The following EIF4G3 variants were observed in gnomAD, a reference collection of about 807,000 sequenced individuals.
The protein encoded by EIF4G3 is eIF-4-gamma 3.
In EIF4G3, 34 loss-of-function variants were observed where a neutral mutation model predicts 186.4. The observed-to-expected ratio is 0.18, with a 90% confidence interval of 0.14 to 0.24. EIF4G3 has a LOEUF of 0.24. Among genes scored for constraint, EIF4G3 ranks in the 10% least tolerant of loss-of-function variants. EIF4G3 has a pLI of 1.00. For synonymous variants in EIF4G3, 673 were observed against 679.5 expected (o/e 0.99, Z 0.15); for missense variants, 1,536 against 1,948.5 (o/e 0.79, Z 3.99).
chr1:21,104,089 T>C (rs1335743025), intron 2 of EIF4G3, among the ~76,000 whole-genome samples: 1 of 152,124 alleles, frequency 6.6e-6, no homozygotes, highest in Non-Finnish European at 1.5e-5. Context: ...ATTAACTAAA[T>C]CCCTACATGA....
At chr1:20,844,534 A>G (rs1248409713) in intron 29 of EIF4G3, among the ~76,000 whole-genome samples, 2 of 151,638 alleles carry the variant, frequency 1.3e-5, no homozygotes, top group Admixed American at 1.3e-4. Context: ...CTCCTTACAG[A>G]TGCTGCACAT....
rs367748129 is a variant in EIF4G3, at chr1:21,061,387, G to C, written c.-195-10393C>G. Among the ~76,000 whole-genome samples the C allele has an allele frequency of 1.1e-4, 16 of 152,218 alleles. No homozygotes were observed. The East Asian group carries it at 2.9e-3, about 28-fold the overall frequency. On this transcript the variant is annotated intron_variant, in intron 3 of 36. Transcript: ENST00000602326. ...CTGTTATTACTGTGAGACAGGATTA[G>C]AGGCAGAATAGACAAAGGGAAAGGG...
At position 20,808,897 on chromosome 1, in the gene EIF4G3, C is replaced by T. The variant is rs184184112; in HGVS notation, c.4745-1397G>A. On this transcript the variant is annotated intron_variant, in intron 36 of 36. Coordinates refer to ENST00000602326, the MANE Select transcript of EIF4G3 (RefSeq NM_001391906.1). ...CTTATAGTTATTATAGTCAGCTCTCCGATCATTTATATTAATGGAGGGAGG... is the reference window on the plus strand; with the variant it reads ...CTTATAGTTATTATAGTCAGCTCTCTGATCATTTATATTAATGGAGGGAGG... 5.9e-5 allele frequency among the ~76,000 whole-genome samples: 9 copies of T among 151,968 alleles called. No individual in the cohort carries two copies. In the South Asian group the frequency reaches 1.2e-3, roughly 21 times the overall value.
chr1:21,101,571 A>AAAAAAAAAAAAAAAAAAAC (rs1399577854), intron 2 of EIF4G3, among the ~76,000 whole-genome samples: 1 of 143,144 alleles, frequency 7.0e-6, no homozygotes, highest in Non-Finnish European at 1.5e-5. Flanking sequence ...GGAAAAAAAA[A>AAAAAAAAAAAAAAAAAAAC]AAAACAACAA....
chr1:20,888,150 T>C (rs113332978), intron 18 of EIF4G3, among the ~76,000 whole-genome samples: 1 of 152,138 alleles, frequency 6.6e-6, no homozygotes, highest in African/African-American at 2.4e-5. Context: ...GCCTTGAGAT[T>C]TGAATCTGGA....
intron 12 of EIF4G3, among the ~76,000 whole-genome samples, chr1:20,954,513 C>T (rs1432033196): frequency 2.6e-5 from 3 of 113,336 alleles, no homozygotes; most frequent in Admixed American, 1.3e-4. Context: ...TCCAGCCTGG[C>T]GAGAGAGTCA....
intron 19 of EIF4G3, 91 bp from the exon 20 acceptor site, chr1:20,879,611 G>A: frequency 2.7e-6 from 2 of 735,806 alleles, no homozygotes; most frequent in South Asian, 8.7e-5. Flanking sequence ...TAATATATAA[G>A]TTCAACTTCT....
intron 2 of EIF4G3, among the ~76,000 whole-genome samples, chr1:21,092,487 C>T (rs1159224548): frequency 6.6e-6 from 1 of 151,978 alleles, no homozygotes; most frequent in Admixed American, 6.6e-5. Flanking sequence ...ATGATGCTGG[C>T]CTCATAAAAT....
Position 21,050,478 on chromosome 1 carries a change from C to T in EIF4G3, c.-67+388G>A, listed in dbSNP as rs189444149. Reference sequence around the variant, plus strand: ...ACTGATGCTACTCAAGAGGGGAAGACACCAAGTTTTCACATAAGTAGAAAA... The same window carrying T: ...ACTGATGCTACTCAAGAGGGGAAGATACCAAGTTTTCACATAAGTAGAAAA... On this transcript the variant is annotated intron_variant, in intron 4 of 36. Coordinates refer to ENST00000602326, the MANE Select transcript of EIF4G3 (RefSeq NM_001391906.1). Among the ~76,000 whole-genome samples the T allele has an allele frequency of 3.3e-3, 497 of 152,288 alleles. 12 individuals are homozygous for T. Among genetic ancestry groups the T allele is most frequent in the Admixed American group, 0.03 (455 of 15,300 alleles).
chr1:21,060,672 G>A (rs1318092893), intron 3 of EIF4G3, among the ~76,000 whole-genome samples: 1 of 151,842 alleles, frequency 6.6e-6, no homozygotes, highest in East Asian at 1.9e-4. Context: ...AGCTACTTGG[G>A]AGCGTAAGGC....
At chr1:21,152,339 C>CAAAA (rs34780982) in intron 2 of EIF4G3, among the ~76,000 whole-genome samples, 1 of 103,572 alleles carries the variant, frequency 9.7e-6, no homozygotes, top group Admixed American at 1.3e-4. Context: ...CCTGTCTCTA[C>CAAAA]AAAAAAAAAA....
chr1:21,072,756 G>A (rs2095481616), intron 3 of EIF4G3, among the ~76,000 whole-genome samples: 1 of 152,130 alleles, frequency 6.6e-6, no homozygotes, highest in Non-Finnish European at 1.5e-5. Context: ...AGTCATAAGC[G>A]TTTTATCTAA....
chr1:20,887,796 G>A lies in EIF4G3; in HGVS notation c.2254-1425C>T, dbSNP rs532670213. On this transcript the variant is annotated intron_variant, in intron 18 of 36. Coordinates refer to ENST00000602326, the MANE Select transcript of EIF4G3 (RefSeq NM_001391906.1). ...CAGTACTACTATAAGAACATAAATT[G>A]TAACTGAAACTTTAATATAGTAGCC... Among the ~76,000 whole-genome samples, 5 of 152,174 alleles carry A rather than the reference G, an allele frequency of 3.3e-5. No individual in the cohort carries two copies. The East Asian group carries it at 9.6e-4, about 29-fold the overall frequency.
chr1:21,113,804 C>G (rs2096770342), intron 2 of EIF4G3, among the ~76,000 whole-genome samples: 1 of 152,068 alleles, frequency 6.6e-6, no homozygotes. Flanking sequence ...TCCCTTGAGC[C>G]AAGAGTTTGA....
chr1:20,949,881 G>C (rs1386479867), intron 13 of EIF4G3, 122 bp downstream of exon 13: 17 of 789,604 alleles, frequency 2.2e-5, no homozygotes, highest in Non-Finnish European at 3.3e-5. Context: ...TCAAAGCTTT[G>C]TTTAAAGGTG....
At chr1:21,068,335 C>G (rs1185392312) in intron 3 of EIF4G3, among the ~76,000 whole-genome samples, 1 of 136,756 alleles carries the variant, frequency 7.3e-6, no homozygotes, top group African/African-American at 2.6e-5. Context: ...TACCACTGCA[C>G]CTGCACTCCA....
intron 10 of EIF4G3, among the ~76,000 whole-genome samples, chr1:20,975,032 C>G (rs2076577748): frequency 6.6e-6 from 1 of 152,100 alleles, no homozygotes; most frequent in African/African-American, 2.4e-5. Context: ...GTTGGAAGCA[C>G]CATGATTTGC....
intron 13 of EIF4G3, among the ~76,000 whole-genome samples, chr1:20,943,351 G>C (rs574743169): frequency 1.8e-4 from 27 of 152,280 alleles, no homozygotes; most frequent in African/African-American, 6.5e-4. Flanking sequence ...TGTATATATA[G>C]AGAGAATGAG....
intron 2 of EIF4G3, chr1:21,175,260 C>G (rs1055567326): frequency 6.6e-6 from 1 of 152,154 alleles, no homozygotes; most frequent in Admixed American, 6.6e-5. Flanking sequence ...CCTTCACCGG[C>G]TAGTTTTTGA....
Sources: gnomAD v4.1 joint callset for allele counts (sites outside exome capture counted in the v4.1 genomes callset) on GRCh38, gnomAD v4.1.1 for gene constraint, MANE v1.5 for transcripts, NCBI Gene and HGNC (gene_info 2026-07-23, HGNC 2026-07-21) for gene names.